Variants in ACYP2 observed in about 807,000 individuals in gnomAD.
ACYP2 encodes acylphosphatase-2.
ACYP2 carries 12 observed loss-of-function variants against 11.2 expected under a neutral mutation model. The observed-to-expected ratio is 1.08, with a 90% CI of 0.69 to 1.74. ACYP2 has a LOEUF of 1.74. Among genes scored for constraint, ACYP2 ranks in the 40% most tolerant of loss-of-function variants. The pLI is 0.00. For synonymous variants in ACYP2, 43 were observed against 32.2 expected (o/e 1.33, Z -1.13); for missense variants, 134 against 101.9 (o/e 1.31, Z -1.35).
At chr2:54,236,703 G>A (rs1686493180) in intron 6 of ACYP2, among the ~76,000 whole-genome samples, 1 of 152,096 alleles carries the variant, frequency 6.6e-6, no homozygotes, top group South Asian at 2.1e-4. Flanking sequence ...GGTCAAATAC[G>A]TAAAAAGTAT....
intron 6 of ACYP2, among the ~76,000 whole-genome samples, chr2:54,239,295 A>T (rs1366302103): frequency 6.6e-6 from 1 of 152,180 alleles, no homozygotes; most frequent in Admixed American, 6.5e-5. Context: ...CTGAAAGGAA[A>T]GAGGCCATAC....
chr2:54,073,888 G>T (rs1265401832), intron 4 of ACYP2, among the ~76,000 whole-genome samples: 1 of 152,202 alleles, frequency 6.6e-6, no homozygotes, highest in Non-Finnish European at 1.5e-5. Context: ...AATAACAAGT[G>T]TTGGCATGGA....
At chr2:54,034,773 G>C (rs1674783481) in intron 2 of ACYP2, among the ~76,000 whole-genome samples, 1 of 152,076 alleles carries the variant, frequency 6.6e-6, no homozygotes, top group Admixed American at 6.5e-5. Context: ...CACTTTGGGA[G>C]GCCGAGGCGG....
At chr2:54,184,136 C>A (rs1028658942) in intron 6 of ACYP2, among the ~76,000 whole-genome samples, 2 of 152,116 alleles carry the variant, frequency 1.3e-5, no homozygotes, top group African/African-American at 4.8e-5. Context: ...TACTTAGATC[C>A]TCCCAGTAGT....
intron 2 of ACYP2, chr2:53,975,127 A>C (rs1234390299): frequency 2.6e-6 from 1 of 386,860 alleles, no homozygotes; most frequent in Non-Finnish European, 4.6e-6. Context: ...CAGGAGGCTG[A>C]GGCAGAAGAA....
chr2:54,025,999 C>G (rs2104550011), intron 2 of ACYP2, among the ~76,000 whole-genome samples: 1 of 152,264 alleles, frequency 6.6e-6, no homozygotes, highest in African/African-American at 2.4e-5. Flanking sequence ...CGCCTGTAGT[C>G]CCAGCTACTT....
At chr2:54,222,759 A>C (rs1176146424) in intron 6 of ACYP2, among the ~76,000 whole-genome samples, 5 of 152,110 alleles carry the variant, frequency 3.3e-5, no homozygotes, top group African/African-American at 1.2e-4. Context: ...CCCCGGCCTT[A>C]CAGTCATGTG....
chr2:54,006,002 G>A (rs1211338282), intron 2 of ACYP2, among the ~76,000 whole-genome samples: 1 of 151,704 alleles, frequency 6.6e-6, no homozygotes, highest in Non-Finnish European at 1.5e-5. Flanking sequence ...CGGGCGTGGT[G>A]AGACTTCATC....
At chr2:53,976,080 A>T (rs1402143722) in intron 2 of ACYP2, among the ~76,000 whole-genome samples, 1 of 152,210 alleles carries the variant, frequency 6.6e-6, no homozygotes, top group African/African-American at 2.4e-5. Context: ...TTAATCACTT[A>T]TTAGCAGTGA....
chr2:54,179,142 T>C (rs538355536), intron 6 of ACYP2, among the ~76,000 whole-genome samples: 1 of 151,730 alleles, frequency 6.6e-6, no homozygotes, highest in Non-Finnish European at 1.5e-5. Context: ...AATGCGCTTA[T>C]TAAATGAAGT....
At chr2:54,099,038 C>T (rs911694319) in intron 4 of ACYP2, among the ~76,000 whole-genome samples, 10 of 152,176 alleles carry the variant, frequency 6.6e-5, no homozygotes, top group South Asian at 2.1e-4. Context: ...TGATTGCAGA[C>T]AATATCTTAG....
intron 6 of ACYP2, among the ~76,000 whole-genome samples, chr2:54,240,850 G>T (rs770492542): frequency 5.9e-5 from 9 of 152,128 alleles, no homozygotes; most frequent in Non-Finnish European, 1.3e-4. Flanking sequence ...TGCAAAATAA[G>T]GTCCCTTTCA....
At chr2:54,015,352 T>A (rs555867842) in intron 2 of ACYP2, among the ~76,000 whole-genome samples, 1 of 151,622 alleles carries the variant, frequency 6.6e-6, no homozygotes, top group African/African-American at 2.4e-5. Context: ...CTACTAAAAA[T>A]ACAAAATTAG....
At position 54,002,042 on chromosome 2, in the gene ACYP2, T is replaced by A. The variant is rs531827972; in HGVS notation, c.62+28232T>A. 7.2e-5 allele frequency among the ~76,000 whole-genome samples: 11 copies of A among 152,350 alleles called. No individual in the cohort carries two copies. The South Asian group carries it at 2.3e-3, about 32-fold the overall frequency. ...CCAAAGTCCATAGTTTACATTAGGG[T>A]TCACCATTGGTGGTGTACATTCTAT... On this transcript the variant is annotated intron_variant, in intron 2 of 6. Coordinates refer to ENST00000607452, the MANE Select transcript of ACYP2 (RefSeq NM_001320586.2).
At chr2:54,032,264 A>T (rs1674624559) in intron 2 of ACYP2, among the ~76,000 whole-genome samples, 1 of 152,232 alleles carries the variant, frequency 6.6e-6, no homozygotes, top group African/African-American at 2.4e-5. Context: ...TTTAGGTCTA[A>T]CATTTAAGTC....
At chr2:54,008,109 G>T (rs919290693) in intron 2 of ACYP2, among the ~76,000 whole-genome samples, 5 of 152,204 alleles carry the variant, frequency 3.3e-5, no homozygotes, top group African/African-American at 1.2e-4. Context: ...CTGTAGACCA[G>T]GCCACCATAA....
chr2:54,165,525 T>TCACACACA (rs1466687579), intron 6 of ACYP2, among the ~76,000 whole-genome samples: 2 of 135,318 alleles, frequency 1.5e-5, no homozygotes, highest in Admixed American at 7.4e-5. Context: ...ACTCTCTCTC[T>TCACACACA]CTCTCTCTCT....
At position 54,231,809 on chromosome 2, in the gene ACYP2, C is replaced by T. The variant is rs541476096; in HGVS notation, c.405-72879C>T. 3.9e-5 allele frequency among the ~76,000 whole-genome samples: 6 copies of T among 152,296 alleles called. No individual in the cohort carries two copies. The South Asian group carries it at 1.2e-3, about 32-fold the overall frequency. Reference sequence around the variant, plus strand: ...ATTTCCTGCCTCTCGGGCACGCCACCACAGCCTGAGGCTCCATTAGCTGTT... The same window carrying T: ...ATTTCCTGCCTCTCGGGCACGCCACTACAGCCTGAGGCTCCATTAGCTGTT... On this transcript the variant is annotated intron_variant, in intron 6 of 6. Coordinates refer to ENST00000607452, the MANE Select transcript of ACYP2 (RefSeq NM_001320586.2).
chr2:54,037,715 T>C (rs778411675), intron 2 of ACYP2, among the ~76,000 whole-genome samples: 1 of 152,190 alleles, frequency 6.6e-6, no homozygotes, highest in Non-Finnish European at 1.5e-5. Context: ...GCCTAAAACA[T>C]GCTTTTAATT....
Sources: allele counts gnomAD v4.1 joint callset (sites outside exome capture counted in the v4.1 genomes callset), GRCh38; gene constraint gnomAD v4.1.1; transcripts MANE v1.5; gene names NCBI Gene and HGNC (gene_info 2026-07-23, HGNC 2026-07-21).